ELAVL3: variants seen among roughly 807,000 people sequenced by gnomAD.
The protein encoded by ELAVL3 is ELAV-like protein 3.
A neutral mutation model predicts 34.2 loss-of-function variants in ELAVL3; 8 were observed. The ratio of observed to expected loss-of-function variants is 0.23; its 90% CI spans 0.14 to 0.42. The LOEUF (loss-of-function observed/expected upper bound fraction) is 0.42, where lower values mean the gene tolerates loss of function less well. Ranked by LOEUF, ELAVL3 falls within the 10% of genes least tolerant of loss-of-function variation. The pLI, the probability that ELAVL3 is intolerant of heterozygous loss-of-function variation, is 1.00. For missense variants in ELAVL3, 273 were observed against 518.8 expected, an observed-to-expected ratio of 0.53 and a Z score of 4.60; for synonymous variants, 209 against 222.1, an observed-to-expected ratio of 0.94 and a Z score of 0.53.
At position 11,454,952 on chromosome 19, in the gene ELAVL3, T is replaced by C. The variant is rs1466193826; in HGVS notation, c.753-75A>G. ...ACCCCGTTGTGACCCTTCACACCTT[T>C]ATGACCCCTGACTGTGCCATGACCT... On this transcript the variant is annotated intron_variant, in intron 6 of 6. Transcript: ENST00000359227. The surrounding 1 kb of genome is among the most constrained non-coding windows in gnomAD (Gnocchi z 9.2). The C allele has an allele frequency of 6.8e-6, 10 of 1,466,694 alleles. No homozygotes were observed. Among genetic ancestry groups the C allele is most frequent in the Non-Finnish European group, 9.2e-6 (10 of 1,091,664 alleles). 90.9% of individuals were successfully genotyped at this position (1,466,694 alleles called of 1,614,324 possible).
In ELAVL3 at chr19:11,472,624, C is replaced by T. The variant is rs551809036; in HGVS notation, c.10-5797G>A. Among the ~76,000 whole-genome samples the T allele has an allele frequency of 4.0e-5, 6 of 151,594 alleles. No homozygotes were observed. In the East Asian group the frequency reaches 5.8e-4, roughly 15 times the overall value. ...GGTGAGACAGGAGGATCACTTGAGC[C>T]CAGGAGGTGGAGGTTGCAGTGAGCC... is the stretch of plus-strand genomic sequence containing the variant. On this transcript the variant is annotated intron_variant, in intron 1 of 6. Transcript: ENST00000359227.
chr19:11,455,022 A>G, intron 6 of ELAVL3, 145 bp from the exon 7 acceptor site: 3 of 890,178 alleles, frequency 3.4e-6, no homozygotes, highest in Non-Finnish European at 5.2e-6. Context: ...TTTTAGAGAC[A>G]CGGTCTCGCT....
At chr19:11,468,950 C>G (rs761381602) in intron 1 of ELAVL3, among the ~76,000 whole-genome samples, 4 of 152,046 alleles carry the variant, frequency 2.6e-5, no homozygotes, top group Non-Finnish European at 2.9e-5. Flanking sequence ...GACAAGGTCT[C>G]GCTCTGCCAC....
chr19:11,464,123 G>GTCTCTCTGTCTCTC (rs1555732392), intron 3 of ELAVL3, among the ~76,000 whole-genome samples: 3 of 110,954 alleles, frequency 2.7e-5, no homozygotes, highest in African/African-American at 8.0e-5. Context: ...GTCTCTCTCT[G>GTCTCTCTGTCTCTC]TCTCTCTCTC....
At position 11,458,390 on chromosome 19, in the gene ELAVL3, C is replaced by T. The variant is rs1197643327; in HGVS notation, c.487+68G>A. The T allele has an allele frequency of 1.2e-6, 2 of 1,608,030 alleles. No homozygotes were observed. Among genetic ancestry groups the T allele is most frequent in the African/African-American group, 2.7e-5 (2 of 74,856 alleles). Reference sequence around the variant, plus strand: ...GCCCTGGCATCTTGGTCGGTTTCCCCACGTTGGTCCCACCTGACTGCCTTT... The same window carrying T: ...GCCCTGGCATCTTGGTCGGTTTCCCTACGTTGGTCCCACCTGACTGCCTTT... On this transcript the variant is annotated intron_variant, in intron 4 of 6. Coordinates refer to ENST00000359227, the MANE Select transcript of ELAVL3 (RefSeq NM_001420.4). This position sits in a 1 kb window ranked among gnomAD's most constrained non-coding sequence, Gnocchi z 7.3.
chr19:11,461,516 C>T (rs1970885181), intron 3 of ELAVL3, among the ~76,000 whole-genome samples: 3 of 137,868 alleles, frequency 2.2e-5, no homozygotes, highest in Admixed American at 7.6e-5. Flanking sequence ...TCTTTCCTTC[C>T]ACTCTCCCTC....
rs1438968347 is a variant in ELAVL3 at position 11,458,382 on chromosome 19, G to A, written c.487+76C>T. 27 of 1,606,494 alleles carry A rather than the reference G, an allele frequency of 1.7e-5. 1 individual carries two copies. Among genetic ancestry groups the A allele is most frequent in the Admixed American group, 1.2e-4 (7 of 59,862 alleles). ...TGCTTCATGCCCTGGCATCTTGGTC[G>A]GTTTCCCCACGTTGGTCCCACCTGA... On this transcript the variant is annotated intron_variant, in intron 4 of 6. Coordinates refer to ENST00000359227, the MANE Select transcript of ELAVL3 (RefSeq NM_001420.4). This position sits in a 1 kb window ranked among gnomAD's most constrained non-coding sequence, Gnocchi z 7.3.
rs34315725 is a variant in ELAVL3 at position 11,463,980 on chromosome 19, C to CA, written c.333+2191dup. 7.1e-3 allele frequency among the ~76,000 whole-genome samples: 1,049 copies of CA among 148,016 alleles called. 15 individuals are homozygous for CA. The highest frequency in any genetic ancestry group is 0.025 in the African/African-American group (987 of 40,086). ...GGAGACTCTGTCTCAAAAAAAACCCCAAAAAATCAAAAAACCAAAAAAAAA... is the reference window on the plus strand; with the variant it reads ...GGAGACTCTGTCTCAAAAAAAACCCCAAAAAAATCAAAAAACCAAAAAAAAA... On this transcript the variant is annotated intron_variant, in intron 3 of 6. Transcript: ENST00000359227.
chr19:11,470,142 G>A (rs1327460137), intron 1 of ELAVL3, among the ~76,000 whole-genome samples: 1 of 151,922 alleles, frequency 6.6e-6, no homozygotes, highest in Non-Finnish European at 1.5e-5. Flanking sequence ...ATCACTGGAG[G>A]TCAGGAGTTC....
In ELAVL3 at chr19:11,480,727, T is replaced by C; in HGVS notation, c.-119A>G. 1 of 998,864 alleles carries C rather than the reference T, an allele frequency of 1.0e-6. No individual in the cohort carries two copies. The highest frequency in any genetic ancestry group is 3.3e-5 in the Admixed American group (1 of 30,624). The allele number at this position is 998,864 out of a possible 1,614,324, so 61.9% of individuals were successfully genotyped here. ...CCCGGGCGGCCTCTGGTGCGGCCGC[T>C]GCAGATGTGGCGATGAAGGCGGCGG... On this transcript the variant is annotated 5_prime_UTR_variant, in exon 1 of 7. Coordinates refer to ENST00000359227, the MANE Select transcript of ELAVL3 (RefSeq NM_001420.4). This position sits in a 1 kb window ranked among gnomAD's most constrained non-coding sequence, Gnocchi z 6.8.
At chr19:11,477,761 T>C (rs1971289997) in intron 1 of ELAVL3, among the ~76,000 whole-genome samples, 1 of 151,600 alleles carries the variant, frequency 6.6e-6, no homozygotes, top group Non-Finnish European at 1.5e-5. Flanking sequence ...GGCATGATCT[T>C]GGCTCAGTGA....
chr19:11,461,257 G>A (rs956629856), intron 3 of ELAVL3, among the ~76,000 whole-genome samples: 1 of 152,098 alleles, frequency 6.6e-6, no homozygotes, highest in Non-Finnish European at 1.5e-5. Flanking sequence ...TTGTAAAATG[G>A]GGGACAGAAA....
intron 3 of ELAVL3, among the ~76,000 whole-genome samples, chr19:11,462,250 G>T (rs1227619069): frequency 6.6e-6 from 1 of 151,978 alleles, no homozygotes; most frequent in Non-Finnish European, 1.5e-5. Context: ...GTGAATGGGG[G>T]GCAGGGTCTG....
Position 11,466,843 on chromosome 19 carries a change from C to T in ELAVL3, c.10-16G>A, listed in dbSNP as rs758266420. On this transcript the variant is annotated splice_polypyrimidine_tract_variant and intron_variant, in intron 1 of 6. Coordinates refer to ENST00000359227, the MANE Select transcript of ELAVL3 (RefSeq NM_001420.4). The surrounding 1 kb of genome is among the most constrained non-coding windows in gnomAD (Gnocchi z 5.0). ...CCAGTATCTGCTGGAGATAACAGGT[C>T]GCATCCGCTCACCGCCCAGTCCCCA... is the stretch of plus-strand genomic sequence containing the variant. 8 of 1,573,876 alleles carry T rather than the reference C, an allele frequency of 5.1e-6. No individual in the cohort carries two copies. Among genetic ancestry groups the T allele is most frequent in the South Asian group, 3.4e-5 (3 of 87,494 alleles).
chr19:11,471,119 G>C (rs1247799553), intron 1 of ELAVL3, among the ~76,000 whole-genome samples: 1 of 149,908 alleles, frequency 6.7e-6, no homozygotes, highest in African/African-American at 2.5e-5. Context: ...AGACCAGCCT[G>C]GCCAATATGG....
At chr19:11,469,383 C>T (rs1246630946) in intron 1 of ELAVL3, among the ~76,000 whole-genome samples, 2 of 152,170 alleles carry the variant, frequency 1.3e-5, no homozygotes, top group Non-Finnish European at 2.9e-5. Context: ...CAGGTTCAAG[C>T]GATTCTCCTG....
intron 3 of ELAVL3, among the ~76,000 whole-genome samples, chr19:11,459,365 C>T (rs931714923): frequency 7.9e-5 from 12 of 152,088 alleles, no homozygotes; most frequent in African/African-American, 2.7e-4. Flanking sequence ...GACCTCTTGA[C>T]CTTGTGATCC....
At chr19:11,463,422 GC>G (rs1194175837) in intron 3 of ELAVL3, among the ~76,000 whole-genome samples, 1 of 152,174 alleles carries the variant, frequency 6.6e-6, no homozygotes, top group Non-Finnish European at 1.5e-5. Context: ...GGTGACACAG[GC>G]CACTGTCACA....
chr19:11,477,988 T>A lies in ELAVL3; in HGVS notation c.9+2612A>T, dbSNP rs114839730. Among the ~76,000 whole-genome samples the A allele has an allele frequency of 3.7e-3, 564 of 152,232 alleles. 3 individuals are homozygous for A. The highest frequency in any genetic ancestry group is 0.013 in the African/African-American group (549 of 41,538). On this transcript the variant is annotated intron_variant, in intron 1 of 6. Transcript: ENST00000359227. ...TACAGGCATGAGCCACCGTGCTAGA[T>A]CCTATTTTTGAACTCCACTGAGCAT... is the stretch of plus-strand genomic sequence containing the variant.
Sources: allele counts gnomAD v4.1 joint callset (sites outside exome capture counted in the v4.1 genomes callset), GRCh38; gene constraint gnomAD v4.1.1; non-coding constraint Gnocchi (gnomAD v3.1); transcripts MANE v1.5; gene names NCBI Gene and HGNC (gene_info 2026-07-23, HGNC 2026-07-21).